The following CLSTN1 variants were observed in gnomAD, a reference collection of about 807,000 sequenced individuals.
The protein encoded by CLSTN1 is calsyntenin-1.
In CLSTN1, 28 loss-of-function variants were observed where a neutral mutation model predicts 108.3. The observed-to-expected ratio is 0.26, with a 90% CI of 0.19 to 0.35. The LOEUF (loss-of-function observed/expected upper bound fraction) is 0.35, where lower values mean the gene tolerates loss of function less well. CLSTN1 is among the 10% of genes least tolerant of loss of function. The probability of loss-of-function intolerance (pLI) is 1.00; values close to 1 mark genes in which losing one functional copy is unlikely to be tolerated. For synonymous variants in CLSTN1, 524 were observed against 534.9 expected (o/e 0.98, Z 0.28); for missense variants, 1,157 against 1,302.6 (o/e 0.89, Z 1.72).
At chr1:9,779,826 T>G (rs1405939836) in intron 1 of CLSTN1, among the ~76,000 whole-genome samples, 2 of 151,786 alleles carry the variant, frequency 1.3e-5, no homozygotes, top group Admixed American at 6.6e-5. Context: ...CTCCAAAAAC[T>G]CCATTGTTTG....
At chr1:9,731,027 G>A (rs1365032423) in intron 18 of CLSTN1, 179 bp downstream of exon 18, 1 of 708,184 alleles carries the variant, frequency 1.4e-6, no homozygotes, top group Non-Finnish European at 2.4e-6. Context: ...AGGCAGAACG[G>A]CCTTGAATAA....
At chr1:9,814,132 G>A (rs1654878680) in intron 1 of CLSTN1, among the ~76,000 whole-genome samples, 1 of 151,500 alleles carries the variant, frequency 6.6e-6, no homozygotes, top group South Asian at 2.1e-4. Flanking sequence ...ATGTTAGGCT[G>A]AGCATGGTGG....
chr1:9,750,715 C>T (rs78235102), intron 5 of CLSTN1, among the ~76,000 whole-genome samples: 1 of 77,168 alleles, frequency 1.3e-5, no homozygotes, highest in Non-Finnish European at 2.9e-5. Flanking sequence ...TTCCCTCAAA[C>T]AAAAAAAAAA....
chr1:9,797,724 G>A (rs960933927), intron 1 of CLSTN1, among the ~76,000 whole-genome samples: 3 of 152,106 alleles, frequency 2.0e-5, no homozygotes, highest in Non-Finnish European at 4.4e-5. Flanking sequence ...GAGGAGGCTT[G>A]GCTAGGAAAT....
At chr1:9,747,975 C>T (rs972620717) in intron 7 of CLSTN1, among the ~76,000 whole-genome samples, 1 of 150,868 alleles carries the variant, frequency 6.6e-6, no homozygotes, top group South Asian at 2.1e-4. Context: ...ACCCAGGAGG[C>T]GGAGCTTGCA....
At chr1:9,749,993 T>C (rs1651476967) in intron 5 of CLSTN1, 80 bp from the exon 6 acceptor site, 8 of 1,189,264 alleles carry the variant, frequency 6.7e-6, no homozygotes, top group Admixed American at 1.9e-5. Flanking sequence ...AAAGACAAAA[T>C]GCATAGGCTT....
In CLSTN1 at chr1:9,794,645, C is replaced by G. The variant is rs144813338; in HGVS notation, c.92-21251G>C. On this transcript the variant is annotated intron_variant, in intron 1 of 18. Coordinates refer to ENST00000377298, the MANE Select transcript of CLSTN1 (RefSeq NM_001009566.3). ...CTTACGATCCAAGCCAGGCAGGAAT[C>G]TAGCTACACAACCAGGGACGTGCCA... Among the ~76,000 whole-genome samples, 332 of 151,502 alleles carry G rather than the reference C, an allele frequency of 2.2e-3. 2 individuals carry two copies. The highest frequency in any genetic ancestry group is 4.0e-3 in the Non-Finnish European group (269 of 68,006).
chr1:9,749,997 T>C (rs1651477338), intron 5 of CLSTN1, 84 bp from the exon 6 acceptor site: 5 of 1,150,250 alleles, frequency 4.3e-6, no homozygotes, highest in South Asian at 4.2e-5. Context: ...ACAAAATGCA[T>C]AGGCTTTAAG....
intron 1 of CLSTN1, among the ~76,000 whole-genome samples, chr1:9,798,458 A>T (rs1212830910): frequency 2.0e-5 from 3 of 152,224 alleles, no homozygotes; most frequent in Non-Finnish European, 4.4e-5. Flanking sequence ...AACTCAGAAC[A>T]TTCAGCTAAG....
chr1:9,791,776 C>T (rs965117724), intron 1 of CLSTN1, among the ~76,000 whole-genome samples: 3 of 151,188 alleles, frequency 2.0e-5, no homozygotes, highest in Non-Finnish European at 2.9e-5. Flanking sequence ...TTAAGTGATC[C>T]GCCTGCCTCG....
rs114548530 is a variant in CLSTN1 at position 9,771,641 on chromosome 1, C to T, written c.214+1631G>A. Among the ~76,000 whole-genome samples, 726 of 152,068 alleles carry T rather than the reference C, an allele frequency of 4.8e-3. 3 individuals carry two copies. The highest frequency in any genetic ancestry group is 0.016 in the African/African-American group (653 of 41,524). The stretch of plus-strand genomic sequence containing the variant: ...GAAAAAAAAAATGTGGGGGAAAAAG[C>T]AAAAATAATCACCCTGGCAACTGGA... On this transcript the variant is annotated intron_variant, in intron 2 of 18. Transcript: ENST00000377298.
chr1:9,737,051 C>A (rs1230469674), intron 11 of CLSTN1, among the ~76,000 whole-genome samples: 2 of 151,704 alleles, frequency 1.3e-5, no homozygotes, highest in Non-Finnish European at 2.9e-5. Flanking sequence ...CCAGCCCAGA[C>A]AACAGAGCGG....
At position 9,801,612 on chromosome 1, in the gene CLSTN1, T is replaced by C. The variant is rs1014794593; in HGVS notation, c.91+22031A>G. Among the ~76,000 whole-genome samples the C allele has an allele frequency of 4.6e-5, 7 of 152,300 alleles. No homozygotes were observed. The South Asian group carries it at 8.3e-4, about 18-fold the overall frequency. ...TCTTGTTGCCCAGGCTGGAGCGCAGTGGCACGATCTCGGCTCACTGCAACC... is the reference window on the plus strand; with the variant it reads ...TCTTGTTGCCCAGGCTGGAGCGCAGCGGCACGATCTCGGCTCACTGCAACC... On this transcript the variant is annotated intron_variant, in intron 1 of 18. Coordinates refer to ENST00000377298, the MANE Select transcript of CLSTN1 (RefSeq NM_001009566.3).
Position 9,733,564 on chromosome 1 carries a change from G to C in CLSTN1, c.2282-18C>G. The C allele has an allele frequency of 1.2e-6, 2 of 1,613,270 alleles. No homozygotes were observed. Among genetic ancestry groups the C allele is most frequent in the East Asian group, 2.2e-5 (1 of 44,870 alleles). Reference sequence around the variant, plus strand: ...GTCCACGCCTGCAGGGGTTGAAAGGGGGAAGATTGCCGGGTGGCTTAGGGC... The same window carrying C: ...GTCCACGCCTGCAGGGGTTGAAAGGCGGAAGATTGCCGGGTGGCTTAGGGC... On this transcript the variant is annotated intron_variant, in intron 15 of 18. Coordinates refer to ENST00000377298, the MANE Select transcript of CLSTN1 (RefSeq NM_001009566.3).
chr1:9,737,197 C>T (rs1650738714), intron 11 of CLSTN1, among the ~76,000 whole-genome samples: 1 of 151,748 alleles, frequency 6.6e-6, no homozygotes, highest in Admixed American at 6.6e-5. Context: ...GCCTCCCAAA[C>T]CCTGCCTGTA....
intron 2 of CLSTN1, among the ~76,000 whole-genome samples, chr1:9,760,809 A>G (rs1652036567): frequency 1.3e-5 from 2 of 150,056 alleles, no homozygotes; most frequent in African/African-American, 4.9e-5. Context: ...GATTACAGGC[A>G]TGAGCCACCA....
chr1:9,801,648 G>C (rs188823394), intron 1 of CLSTN1, among the ~76,000 whole-genome samples: 219 of 152,292 alleles, frequency 1.4e-3, no homozygotes, highest in African/African-American at 4.8e-3. Flanking sequence ...TCTGCCTTCT[G>C]GGTTCAAGTG....
intron 2 of CLSTN1, among the ~76,000 whole-genome samples, chr1:9,770,332 G>A (rs1278070914): frequency 6.6e-6 from 1 of 152,148 alleles, no homozygotes; most frequent in Admixed American, 6.6e-5. Context: ...AATATCTTAA[G>A]TTTGAGAAAT....
rs141415373 is a variant in CLSTN1 at position 9,767,528 on chromosome 1, G to C, written c.214+5744C>G. Among the ~76,000 whole-genome samples the C allele has an allele frequency of 4.3e-3, 626 of 145,926 alleles. 11 individuals are homozygous for C. Among genetic ancestry groups the C allele is most frequent in the East Asian group, 0.043 (213 of 4,998 alleles). On this transcript the variant is annotated intron_variant, in intron 2 of 18. Coordinates refer to ENST00000377298, the MANE Select transcript of CLSTN1 (RefSeq NM_001009566.3). Reference sequence around the variant, plus strand: ...CCACTGCACTCCAGCCTGGGCAACAGAGCAAGACTCCATCTCAAAAAAAAA... The same window carrying C: ...CCACTGCACTCCAGCCTGGGCAACACAGCAAGACTCCATCTCAAAAAAAAA...
Sources: allele counts gnomAD v4.1 joint callset (sites outside exome capture counted in the v4.1 genomes callset), GRCh38; gene constraint gnomAD v4.1.1; transcripts MANE v1.5; gene names NCBI Gene and HGNC (gene_info 2026-07-23, HGNC 2026-07-21).